The following LPIN1 variants were observed in gnomAD, a reference collection of about 807,000 sequenced individuals.
LPIN1 encodes the protein lipin 1.
LPIN1 carries 71 observed loss-of-function variants against 107.5 expected under a neutral mutation model. That is an observed-to-expected ratio of 0.66 (90% CI 0.55 to 0.80). The LOEUF (loss-of-function observed/expected upper bound fraction) is 0.80. LPIN1 is among the 30% of genes least tolerant of loss of function. LPIN1 has a pLI of 0.00. For missense variants in LPIN1, 1,043 were observed against 1,160.6 expected (o/e 0.90, Z 1.47); for synonymous variants, 445 against 452.6 (o/e 0.98, Z 0.21).
chr2:11,793,025 C>T (rs1181201784), intron 13 of LPIN1, among the ~76,000 whole-genome samples: 1 of 152,168 alleles, frequency 6.6e-6, no homozygotes, highest in African/African-American at 2.4e-5. Context: ...TTTTTGTCTC[C>T]AAACCAGACA....
At chr2:11,805,299 G>T in intron 17 of LPIN1, 143 bp downstream of exon 17, 1 of 719,772 alleles carries the variant, frequency 1.4e-6, no homozygotes, top group East Asian at 2.7e-5. Context: ...TGGGGGTCAG[G>T]GGTAGCAGTG....
intron 1 of LPIN1, among the ~76,000 whole-genome samples, chr2:11,702,269 C>T (rs565837760): frequency 2.6e-5 from 4 of 152,192 alleles, no homozygotes; most frequent in Admixed American, 1.3e-4. Context: ...GGGCTTAGGG[C>T]TGGCTAGTGT....
At chr2:11,751,318 GT>G (rs1667757012) in intron 1 of LPIN1, among the ~76,000 whole-genome samples, 1 of 152,218 alleles carries the variant, frequency 6.6e-6, no homozygotes, top group African/African-American at 2.4e-5. Flanking sequence ...GTGGACCAGA[GT>G]TTTCCATCCT....
chr2:11,686,427 G>A (rs1057205419), intron 1 of LPIN1, among the ~76,000 whole-genome samples: 4 of 152,218 alleles, frequency 2.6e-5, no homozygotes, highest in Admixed American at 6.5e-5. Flanking sequence ...AACAGGAGAG[G>A]AGGGCTAGAA....
At chr2:11,815,522 A>T (rs549107017) in intron 18 of LPIN1, among the ~76,000 whole-genome samples, 13 of 151,902 alleles carry the variant, frequency 8.6e-5, no homozygotes. Flanking sequence ...TCTACATCTC[A>T]GTCTGTGTCT....
In LPIN1 at chr2:11,771,425, G is replaced by C. The variant is rs533069325; in HGVS notation, c.342G>C (p.Ser114=). 2.0e-5 allele frequency: 32 copies of C among 1,614,220 alleles called. No homozygotes were observed. The African/African-American group carries it at 3.6e-4, about 18-fold the overall frequency. The change falls in exon 4 of 21, where the codon TCG becomes TCC. Residue 114 remains serine (S), a synonymous_variant. Coordinates refer to ENST00000674199, the MANE Select transcript of LPIN1 (RefSeq NM_001349206.2). The surrounding 1 kb of genome is among the most constrained non-coding windows in gnomAD (Gnocchi z 4.8). Reference sequence around the variant, plus strand: ...CCCCCATCCTGTCAGAAGGAGCTTCGAGAATGGAATGCCAGCTGAAAAGGG... The same window carrying C: ...CCCCCATCCTGTCAGAAGGAGCTTCCAGAATGGAATGCCAGCTGAAAAGGG... ...ATSPILSEGA[S]RMECQLKRGS...
chr2:11,750,520 G>A (rs373934944), intron 1 of LPIN1, among the ~76,000 whole-genome samples: 14 of 152,324 alleles, frequency 9.2e-5, no homozygotes, highest in African/African-American at 2.9e-4. Flanking sequence ...GGCAAGAGAC[G>A]TTATTCAAAG....
chr2:11,804,652 G>C, intron 16 of LPIN1, 81 bp downstream of exon 16: 4 of 1,455,416 alleles, frequency 2.7e-6, no homozygotes, highest in Non-Finnish European at 3.8e-6. Context: ...TGGCACCTCT[G>C]CTCTCCTCAT....
chr2:11,719,198 A>T (rs945966070), intron 2 of LPIN1, among the ~76,000 whole-genome samples: 4 of 151,420 alleles, frequency 2.6e-5, no homozygotes, highest in Non-Finnish European at 5.9e-5. Flanking sequence ...CATTATTTTT[A>T]TTTATTCTGG....
At position 11,767,864 on chromosome 2, in the gene LPIN1, G is replaced by A. The variant is rs763785849; in HGVS notation, c.288+6G>A. The stretch of plus-strand genomic sequence containing the variant: ...AAGAAACAGATAATGATCAGGTAAG[G>A]AAGCCTGGGTGGTCAGGGTTACTTC... On this transcript the variant is annotated splice_donor_region_variant and intron_variant, in intron 3 of 20. Transcript: ENST00000674199. 41 of 1,576,998 alleles carry A rather than the reference G, an allele frequency of 2.6e-5. No individual in the cohort carries two copies. Among genetic ancestry groups the A allele is most frequent in the Non-Finnish European group, 3.1e-5 (36 of 1,146,184 alleles).
Position 11,815,230 on chromosome 2 carries a change from GCCCTGCACAGGTACCAGGCCTGCT to G in LPIN1, c.2401_2402+22del, listed in dbSNP as rs2148722783. The G allele has an allele frequency of 6.2e-7, 1 of 1,614,028 alleles. No homozygotes were observed. Among genetic ancestry groups the G allele is most frequent in the Admixed American group, 1.7e-5 (1 of 60,026 alleles). ...GCTGAGTCCCAGCAGCCTCTTCTCT[GCCCTGCACAGGTACCAGGCCTGCT>G]CCCTGCACCTCCATCTGTGAGCCTG... On this transcript the variant is annotated splice_donor_variant and splice_donor_5th_base_variant and coding_sequence_variant and intron_variant, in exon 18 of 21. Coordinates refer to ENST00000674199, the MANE Select transcript of LPIN1 (RefSeq NM_001349206.2). LOFTEE classifies it high-confidence loss of function.
chr2:11,725,701 T>C (rs1402584121), intron 1 of LPIN1, among the ~76,000 whole-genome samples: 1 of 152,210 alleles, frequency 6.6e-6, no homozygotes, highest in Non-Finnish European at 1.5e-5. Context: ...TTCTGTTTTG[T>C]TTCTGAGTTG....
chr2:11,809,291 T>C (rs903700421), intron 17 of LPIN1, among the ~76,000 whole-genome samples: 1 of 152,208 alleles, frequency 6.6e-6, no homozygotes, highest in African/African-American at 2.4e-5. Context: ...GAAGCCAGTG[T>C]CTTTGTGACT....
At chr2:11,822,561 G>A (rs1681728883) in intron 20 of LPIN1, among the ~76,000 whole-genome samples, 1 of 152,086 alleles carries the variant, frequency 6.6e-6, no homozygotes, top group South Asian at 2.1e-4. Context: ...GAGAGCTCGT[G>A]CAGGGAAACT....
chr2:11,791,805 A>ATT (rs78343196), intron 12 of LPIN1, 109 bp from the exon 13 acceptor site: 126 of 1,509,516 alleles, frequency 8.3e-5, no homozygotes, highest in East Asian at 5.7e-4. Context: ...GTTTTCTCTG[A>ATT]TTTTTTTTTA....
At chr2:11,772,828 T>G (rs1371575458) in intron 4 of LPIN1, among the ~76,000 whole-genome samples, 1 of 152,256 alleles carries the variant, frequency 6.6e-6, no homozygotes, top group Non-Finnish European at 1.5e-5. Context: ...ATAAGGGGAA[T>G]CAGGAGTATC....
At chr2:11,700,101 C>A (rs1002900823) in intron 1 of LPIN1, among the ~76,000 whole-genome samples, 1 of 152,192 alleles carries the variant, frequency 6.6e-6, no homozygotes, top group Non-Finnish European at 1.5e-5. Context: ...CCTTGGTGCA[C>A]AGGGTGAAGT....
At chr2:11,736,553 A>G (rs979520965) in intron 1 of LPIN1, among the ~76,000 whole-genome samples, 2 of 152,248 alleles carry the variant, frequency 1.3e-5, no homozygotes, top group Non-Finnish European at 2.9e-5. Context: ...TAGGGTTTCA[A>G]CAGATGAATT....
At chr2:11,777,407 C>T (rs1157524986) in intron 6 of LPIN1, 1 of 152,150 alleles carries the variant, frequency 6.6e-6, no homozygotes, top group Non-Finnish European at 1.5e-5. Flanking sequence ...GCCTGAGTGC[C>T]TCTATGGGTT....
Sources: allele counts gnomAD v4.1 joint callset (sites outside exome capture counted in the v4.1 genomes callset), GRCh38; gene constraint gnomAD v4.1.1; non-coding constraint Gnocchi (gnomAD v3.1); transcripts MANE v1.5; gene names NCBI Gene and HGNC (gene_info 2026-07-23, HGNC 2026-07-21).